The following LRRTM3 variants were observed in gnomAD, a reference collection of about 807,000 sequenced individuals.
LRRTM3 encodes leucine rich repeat transmembrane neuronal 3.
A neutral mutation model predicts 44.7 loss-of-function variants in LRRTM3; 24 were observed. That is an observed-to-expected ratio of 0.54 (90% CI 0.39 to 0.76). LRRTM3 has a LOEUF of 0.76. Among genes scored for constraint, LRRTM3 ranks in the 30% least tolerant of loss-of-function variants. LRRTM3 has a pLI of 0.00. For synonymous variants in LRRTM3, 277 were observed against 278.7 expected (o/e 0.99, Z 0.06); for missense variants, 587 against 702.2 (o/e 0.84, Z 1.85).
chr10:66,970,911 A>C (rs2132825170), intron 2 of LRRTM3, among the ~76,000 whole-genome samples: 1 of 152,294 alleles, frequency 6.6e-6, no homozygotes, highest in East Asian at 1.9e-4. Flanking sequence ...TTCAAGCAAG[A>C]AAATTCCCTC....
At chr10:67,037,473 A>G (rs1232465818) in intron 2 of LRRTM3, among the ~76,000 whole-genome samples, 1 of 152,120 alleles carries the variant, frequency 6.6e-6, no homozygotes, top group African/African-American at 2.4e-5. Flanking sequence ...TCTTTTCTTT[A>G]GCTTTTAGGT....
At chr10:66,949,053 C>T (rs2132712492) in intron 2 of LRRTM3, among the ~76,000 whole-genome samples, 1 of 152,174 alleles carries the variant, frequency 6.6e-6, no homozygotes, top group Non-Finnish European at 1.5e-5. Flanking sequence ...ACAAATATAA[C>T]AAATTTATTG....
At chr10:66,965,429 G>C in intron 2 of LRRTM3, among the ~76,000 whole-genome samples, 1 of 151,834 alleles carries the variant, frequency 6.6e-6, no homozygotes, top group East Asian at 1.9e-4. Context: ...CAGCTACTCA[G>C]GAGGCTGAGG....
intron 2 of LRRTM3, among the ~76,000 whole-genome samples, chr10:67,059,068 C>T (rs1444287618): frequency 6.6e-6 from 1 of 152,150 alleles, no homozygotes; most frequent in Non-Finnish European, 1.5e-5. Flanking sequence ...TAAATATCTG[C>T]ACACACAAAT....
At chr10:67,043,478 A>G (rs1589651659) in intron 2 of LRRTM3, among the ~76,000 whole-genome samples, 1 of 152,150 alleles carries the variant, frequency 6.6e-6, no homozygotes, top group Admixed American at 6.6e-5. Context: ...CCTAAGCTGC[A>G]TGTCATTTAG....
intron 2 of LRRTM3, among the ~76,000 whole-genome samples, chr10:67,049,965 T>C (rs1854981875): frequency 6.6e-6 from 1 of 152,238 alleles, no homozygotes; most frequent in Non-Finnish European, 1.5e-5. Context: ...GATGTATTAT[T>C]CATAACTTAT....
At chr10:67,055,067 T>C (rs1318408599) in intron 2 of LRRTM3, 2 of 152,054 alleles carry the variant, frequency 1.3e-5, no homozygotes, top group African/African-American at 2.4e-5. Context: ...TTTTATCAAA[T>C]AGAAATAGTG....
intron 2 of LRRTM3, among the ~76,000 whole-genome samples, chr10:67,062,558 A>T (rs1925586): frequency 6.6e-6 from 1 of 151,664 alleles, no homozygotes; most frequent in East Asian, 1.9e-4. Context: ...TGGGGCATTA[A>T]GGCAGGCAAA....
chr10:67,032,087 C>T (rs1238866632), intron 2 of LRRTM3, among the ~76,000 whole-genome samples: 1 of 152,118 alleles, frequency 6.6e-6, no homozygotes, highest in East Asian at 1.9e-4. Flanking sequence ...CATATTTTAG[C>T]TCATGAAATC....
chr10:67,032,387 C>T (rs140891528), intron 2 of LRRTM3, among the ~76,000 whole-genome samples: 17 of 152,174 alleles, frequency 1.1e-4, no homozygotes, highest in Non-Finnish European at 1.6e-4. Flanking sequence ...TAGCCCATTT[C>T]GCCTCCAATA....
chr10:67,089,714 C>CAT (rs1413881812), intron 2 of LRRTM3, among the ~76,000 whole-genome samples: 1 of 90,860 alleles, frequency 1.1e-5, no homozygotes, highest in Non-Finnish European at 2.4e-5. Context: ...TGTGTATATA[C>CAT]ATATGTGTGT....
At chr10:66,998,345 T>C (rs1053290923) in intron 2 of LRRTM3, among the ~76,000 whole-genome samples, 1 of 152,168 alleles carries the variant, frequency 6.6e-6, no homozygotes, top group Non-Finnish European at 1.5e-5. Context: ...AGAACAATAT[T>C]TTTTAAAGCA....
At position 67,097,838 on chromosome 10, in the gene LRRTM3, A is replaced by G; in HGVS notation, c.*42A>G. 1 of 1,565,704 alleles carries G rather than the reference A, an allele frequency of 6.4e-7. No homozygotes were observed. Among genetic ancestry groups the G allele is most frequent in the Non-Finnish European group, 8.8e-7 (1 of 1,137,344 alleles). ...CCAGGGGTTGCTACCAAACTTTGTA[A>G]CCTCAAGGACAAAATGAGGAAGATG... On this transcript the variant is annotated 3_prime_UTR_variant, in exon 3 of 3. Transcript: ENST00000361320.
chr10:67,033,344 G>A, intron 2 of LRRTM3, among the ~76,000 whole-genome samples: 1 of 152,128 alleles, frequency 6.6e-6, no homozygotes, highest in Admixed American at 6.6e-5. Context: ...TCAAACTGTG[G>A]CTCATAGCAC....
intron 2 of LRRTM3, among the ~76,000 whole-genome samples, chr10:67,086,235 G>A (rs1005845619): frequency 3.3e-5 from 5 of 151,902 alleles, no homozygotes; most frequent in Admixed American, 6.6e-5. Flanking sequence ...CCTATAAAAT[G>A]AAACTCATCT....
intron 2 of LRRTM3, among the ~76,000 whole-genome samples, chr10:66,983,698 G>A (rs1273310078): frequency 6.6e-6 from 1 of 152,164 alleles, no homozygotes; most frequent in East Asian, 1.9e-4. Context: ...GGCATAGATA[G>A]TTTAGTCTTT....
At chr10:67,082,846 G>C (rs1244507842) in intron 2 of LRRTM3, among the ~76,000 whole-genome samples, 1 of 152,098 alleles carries the variant, frequency 6.6e-6, no homozygotes, top group Non-Finnish European at 1.5e-5. Context: ...GTAGTCTGGG[G>C]GATGGACCAC....
intron 2 of LRRTM3, among the ~76,000 whole-genome samples, chr10:66,939,514 T>TAG (rs1847887981): frequency 6.6e-6 from 1 of 152,186 alleles, no homozygotes; most frequent in Non-Finnish European, 1.5e-5. Flanking sequence ...TTCAACTCTT[T>TAG]TGTTTGGGCC....
intron 2 of LRRTM3, among the ~76,000 whole-genome samples, chr10:66,964,269 G>C (rs1849280519): frequency 6.6e-6 from 1 of 151,118 alleles, no homozygotes; most frequent in Non-Finnish European, 1.5e-5. Context: ...CTACATTGAA[G>C]AGCAGGTCTT....
Sources: gnomAD v4.1 joint callset for allele counts (sites outside exome capture counted in the v4.1 genomes callset) on GRCh38, gnomAD v4.1.1 for gene constraint, MANE v1.5 for transcripts, NCBI Gene and HGNC (gene_info 2026-07-23, HGNC 2026-07-21) for gene names.